Variants in RXFP1 observed in about 807,000 individuals in gnomAD.
RXFP1 encodes relaxin receptor 1.
RXFP1 carries 73 observed loss-of-function variants against 89.8 expected under a neutral mutation model. The ratio of observed to expected loss-of-function variants is 0.81; its 90% CI spans 0.67 to 0.99. RXFP1 has a LOEUF of 0.99. RXFP1 is among the 50% of genes least tolerant of loss of function. The pLI is 0.00. For synonymous variants in RXFP1, 277 were observed against 305.5 expected (o/e 0.91, Z 0.97); for missense variants, 793 against 895.5 (o/e 0.89, Z 1.46).
Position 158,652,772 on chromosome 4 carries a change from C to G in RXFP1, c.*717C>G, listed in dbSNP as rs1485257539. On this transcript the variant is annotated 3_prime_UTR_variant, in exon 18 of 18. Transcript: ENST00000307765. ...GAATTGGAATAGGAGAGTATGAGTA[C>G]GGCAGAGAAGTGGATCAGAAAAACT... 6.6e-6 allele frequency: 1 copy of G among 152,092 alleles called. No individual in the cohort carries two copies. The highest frequency in any genetic ancestry group is 1.5e-5 in the Non-Finnish European group (1 of 68,026). The allele number at this position is 152,092 out of a possible 1,614,324, so 9.4% of individuals were successfully genotyped here.
At chr4:158,541,492 A>G (rs1345765826) in intron 1 of RXFP1, among the ~76,000 whole-genome samples, 2 of 152,138 alleles carry the variant, frequency 1.3e-5, no homozygotes, top group African/African-American at 4.8e-5. Context: ...TAAAACTTGG[A>G]AACTATTTCA....
Position 158,612,296 on chromosome 4 carries a change from T to C in RXFP1, c.614T>C (p.Ile205Thr), listed in dbSNP as rs1763724732. 3.7e-6 allele frequency: 6 copies of C among 1,611,922 alleles called. No homozygotes were observed. Among genetic ancestry groups the C allele is most frequent in the African/African-American group, 1.3e-5 (1 of 74,850 alleles). ...TTTTTTCTTCTGGCTGTCAGGATAA[T>C]TGAAGATAATCACCTCAGTCGAATT... is the stretch of plus-strand genomic sequence containing the variant. ...EDLHRLEWLIIEDNHLSRISP... is the reference protein window; with the variant it reads ...EDLHRLEWLITEDNHLSRISP... Residue 205 changes from isoleucine (I) to threonine (T), a missense_variant, in exon 8 of 18, where the codon ATT becomes ACT. Coordinates refer to ENST00000307765, the MANE Select transcript of RXFP1 (RefSeq NM_021634.4).
chr4:158,562,573 G>T (rs1391710677), intron 1 of RXFP1, among the ~76,000 whole-genome samples: 1 of 127,728 alleles, frequency 7.8e-6, no homozygotes, highest in Non-Finnish European at 1.7e-5. Context: ...ATTAAGGGGA[G>T]AATTTTATCA....
chr4:158,529,509 C>T (rs965599516), intron 1 of RXFP1, among the ~76,000 whole-genome samples: 3 of 152,158 alleles, frequency 2.0e-5, no homozygotes, highest in Admixed American at 2.0e-4. Flanking sequence ...ATCCGCCCAC[C>T]TCAGCCTCTC....
chr4:158,582,294 A>C (rs927452773), intron 2 of RXFP1, among the ~76,000 whole-genome samples: 1 of 152,100 alleles, frequency 6.6e-6, no homozygotes, highest in Admixed American at 6.5e-5. Context: ...CATTCTTCCA[A>C]GTGGTAGAAG....
chr4:158,582,350 G>A (rs1045521211), intron 2 of RXFP1, among the ~76,000 whole-genome samples: 14 of 152,068 alleles, frequency 9.2e-5, no homozygotes. Flanking sequence ...CCTTCACCTG[G>A]CATTGCAGTT....
chr4:158,617,058 A>G (rs1764726949), intron 8 of RXFP1, 73 bp from the exon 9 acceptor site: 3 of 1,017,146 alleles, frequency 2.9e-6, no homozygotes, highest in South Asian at 1.4e-5. Context: ...TAAGAATAAT[A>G]ATAATACCAT....
intron 2 of RXFP1, among the ~76,000 whole-genome samples, chr4:158,585,901 T>C (rs1758221406): frequency 6.6e-6 from 1 of 152,260 alleles, no homozygotes; most frequent in African/African-American, 2.4e-5. Flanking sequence ...TACTTGATGG[T>C]CGACATCTAG....
In RXFP1 at chr4:158,607,954, TAA is replaced by T. The variant is rs1183615246; in HGVS notation, c.465-17_465-16del. 4 of 1,561,104 alleles carry T rather than the reference TAA, an allele frequency of 2.6e-6. No homozygotes were observed. In the Admixed American group the frequency reaches 5.5e-5, roughly 21 times the overall value. Reference sequence around the variant, plus strand: ...ACTCTGCTTCATTTTTTTTTCTTTTTAATAATCATTTTCACAGGTACCTGCAA... The same window carrying T: ...ACTCTGCTTCATTTTTTTTTCTTTTTTAATCATTTTCACAGGTACCTGCAA... On this transcript the variant is annotated splice_polypyrimidine_tract_variant and intron_variant, in intron 5 of 17. Transcript: ENST00000307765.
chr4:158,629,689 C>T (rs1767647551), intron 11 of RXFP1, among the ~76,000 whole-genome samples: 1 of 151,996 alleles, frequency 6.6e-6, no homozygotes, highest in African/African-American at 2.4e-5. Context: ...TGCAATGGTA[C>T]AATCATAGCT....
chr4:158,526,277 T>A (rs1030232505), intron 1 of RXFP1, among the ~76,000 whole-genome samples: 1 of 152,248 alleles, frequency 6.6e-6, no homozygotes, highest in African/African-American at 2.4e-5. Context: ...TAGCTATACA[T>A]ACAGCAAGTG....
intron 1 of RXFP1, among the ~76,000 whole-genome samples, chr4:158,545,695 G>A (rs967935006): frequency 6.6e-5 from 10 of 151,940 alleles, no homozygotes; most frequent in Non-Finnish European, 1.5e-4. Flanking sequence ...AGCACCATTT[G>A]TTAAATAGGG....
Position 158,652,098 on chromosome 4 carries a change from T to C in RXFP1, c.*43T>C, listed in dbSNP as rs751391363. On this transcript the variant is annotated 3_prime_UTR_variant, in exon 18 of 18. Transcript: ENST00000307765. ...TTCTTCGCAGAGAATACTGTGGGGGTGCTTCATGAGGGATTTACTGGTATG... is the reference window on the plus strand; with the variant it reads ...TTCTTCGCAGAGAATACTGTGGGGGCGCTTCATGAGGGATTTACTGGTATG... 84 of 1,520,892 alleles carry C rather than the reference T, an allele frequency of 5.5e-5. No homozygotes were observed. Among genetic ancestry groups the C allele is most frequent in the Non-Finnish European group, 7.3e-5 (82 of 1,124,024 alleles). 94.2% of individuals were successfully genotyped at this position (1,520,892 alleles called of 1,614,324 possible). A position where few individuals can be genotyped will look rare whatever the true frequency, so the allele number is the denominator to read the frequency against.
At chr4:158,531,522 G>T (rs926599070) in intron 1 of RXFP1, among the ~76,000 whole-genome samples, 41 of 152,126 alleles carry the variant, frequency 2.7e-4, no homozygotes, top group Non-Finnish European at 7.3e-5. Context: ...TCCACCCTTC[G>T]GTTTTTGTCC....
At chr4:158,587,135 G>C (rs1758444711) in intron 2 of RXFP1, among the ~76,000 whole-genome samples, 1 of 152,178 alleles carries the variant, frequency 6.6e-6, no homozygotes, top group Admixed American at 6.5e-5. Context: ...GCAGTAACAG[G>C]AACATGAACG....
intron 9 of RXFP1, among the ~76,000 whole-genome samples, chr4:158,626,156 A>C (rs138692402): frequency 6.9e-6 from 1 of 144,706 alleles, no homozygotes; most frequent in Non-Finnish European, 1.5e-5. Context: ...AGATAGATAG[A>C]TAGATAGATA....
intron 14 of RXFP1, among the ~76,000 whole-genome samples, chr4:158,640,445 C>T (rs538146166): frequency 5.9e-5 from 9 of 152,148 alleles, no homozygotes; most frequent in East Asian, 3.9e-4. Flanking sequence ...TTGGTGAGGT[C>T]GTCAGGAAAG....
intron 1 of RXFP1, among the ~76,000 whole-genome samples, chr4:158,568,787 A>C (rs1236712538): frequency 6.6e-6 from 1 of 152,234 alleles, no homozygotes; most frequent in Non-Finnish European, 1.5e-5. Flanking sequence ...GCTTCTCTCT[A>C]TGAGAATGTT....
chr4:158,649,174 A>G (rs779737409), intron 17 of RXFP1, among the ~76,000 whole-genome samples: 4 of 152,122 alleles, frequency 2.6e-5, no homozygotes, highest in Non-Finnish European at 5.9e-5. Flanking sequence ...TATAACATTT[A>G]CTGGGGAAGA....
Sources: allele counts gnomAD v4.1 joint callset (sites outside exome capture counted in the v4.1 genomes callset), GRCh38; gene constraint gnomAD v4.1.1; transcripts MANE v1.5; gene names NCBI Gene and HGNC (gene_info 2026-07-23, HGNC 2026-07-21).